TRHDE: variants seen among roughly 807,000 people sequenced by gnomAD.
The protein encoded by TRHDE is thyrotropin-releasing hormone-degrading ectoenzyme.
In TRHDE, 72 loss-of-function variants were observed where a neutral mutation model predicts 125.7. The observed-to-expected ratio is 0.57, with a 90% CI of 0.47 to 0.70. The LOEUF (loss-of-function observed/expected upper bound fraction) is 0.70, where lower values mean the gene tolerates loss of function less well. Ranked by LOEUF, TRHDE falls within the 30% of genes least tolerant of loss-of-function variation. The pLI is 0.00. For synonymous variants in TRHDE, 509 were observed against 509.1 expected, an observed-to-expected ratio of 1.00 and a Z score of 0.00; for missense variants, 1,110 against 1,327.1, an observed-to-expected ratio of 0.84 and a Z score of 2.54.
At chr12:72,427,801 G>C (rs1259579488) in intron 3 of TRHDE, among the ~76,000 whole-genome samples, 3 of 152,092 alleles carry the variant, frequency 2.0e-5, no homozygotes, top group African/African-American at 7.2e-5. Flanking sequence ...AGGCTGGATG[G>C]CCATATGTTC....
intron 2 of TRHDE, among the ~76,000 whole-genome samples, chr12:72,164,810 G>T (rs548450946): frequency 6.6e-6 from 1 of 152,278 alleles, no homozygotes; most frequent in Non-Finnish European, 1.5e-5. Flanking sequence ...TCCCCTATAA[G>T]TCCTGTGTTG....
intron 10 of TRHDE, among the ~76,000 whole-genome samples, chr12:72,572,465 G>A (rs1870791376): frequency 6.6e-6 from 1 of 151,794 alleles, no homozygotes; most frequent in Non-Finnish European, 1.5e-5. Context: ...ACCTCATTAG[G>A]CCATTGGAAA....
intron 2 of TRHDE, among the ~76,000 whole-genome samples, chr12:72,200,446 A>G (rs1215880054): frequency 2.0e-5 from 3 of 152,122 alleles, no homozygotes; most frequent in Non-Finnish European, 4.4e-5. Context: ...GTTGACTGAG[A>G]AAACTGGTAT....
chr12:72,283,628 ATACT>A (rs1879774606), intron 1 of TRHDE, among the ~76,000 whole-genome samples: 1 of 152,124 alleles, frequency 6.6e-6, no homozygotes, highest in African/African-American at 2.4e-5. Flanking sequence ...CTTCCCTAAC[ATACT>A]TACTTACTTG....
chr12:72,468,211 C>A (rs1053003205), intron 3 of TRHDE, among the ~76,000 whole-genome samples: 3 of 152,250 alleles, frequency 2.0e-5, no homozygotes, highest in African/African-American at 7.2e-5. Flanking sequence ...TGGTGTTATT[C>A]TACTTGTTTT....
intron 2 of TRHDE, among the ~76,000 whole-genome samples, chr12:72,295,753 AGAG>A (rs1288820911): frequency 4.6e-5 from 7 of 151,558 alleles, no homozygotes; most frequent in African/African-American, 1.7e-4. Context: ...TGAGAGAATT[AGAG>A]GAGTATAGGT....
intron 2 of TRHDE, among the ~76,000 whole-genome samples, chr12:72,376,874 T>A (rs1019302224): frequency 3.1e-4 from 36 of 115,806 alleles, no homozygotes; most frequent in Non-Finnish European, 5.6e-4. Flanking sequence ...GAGTAAACCA[T>A]TTTTTTTTTT....
rs368211232 is a variant in TRHDE, at chr12:72,224,166, G to GTATCTATCTATC, written n.279+118451_279+118462dup. 7.0e-3 allele frequency among the ~76,000 whole-genome samples: 437 copies of GTATCTATCTATC among 62,690 alleles called. 2 individuals carry two copies. The highest frequency in any genetic ancestry group is 0.026 in the East Asian group (86 of 3,330). The allele number at this position is 62,690 out of a possible 152,430, so 41.1% of individuals were successfully genotyped here. ...TTTATCTATGTATGTATGTATGTAT[G>GTATCTATCTATC]TATCTATCTATCTATCTATCTATCT... On this transcript the variant is annotated intron_variant and non_coding_transcript_variant, in intron 2 of 4. Transcript: ENST00000548156.
chr12:72,469,502 T>C (rs991146205), intron 3 of TRHDE, among the ~76,000 whole-genome samples: 1 of 152,190 alleles, frequency 6.6e-6, no homozygotes, highest in Non-Finnish European at 1.5e-5. Flanking sequence ...CCATCAATAA[T>C]GGCACTGATA....
intron 2 of TRHDE, among the ~76,000 whole-genome samples, chr12:72,135,246 T>C (rs2139310534): frequency 6.6e-6 from 1 of 152,278 alleles, no homozygotes; most frequent in South Asian, 2.1e-4. Context: ...CTTTGTCAAT[T>C]CTCTTCTGTT....
chr12:72,378,164 A>G (rs112258989), intron 3 of TRHDE, 43 bp downstream of exon 3: 7 of 1,518,198 alleles, frequency 4.6e-6, no homozygotes, highest in African/African-American at 2.8e-5. Context: ...GCTCCTTGAA[A>G]GTGGAATTTC....
intron 12 of TRHDE, among the ~76,000 whole-genome samples, chr12:72,613,900 G>T (rs1313797598): frequency 6.6e-6 from 1 of 152,068 alleles, no homozygotes; most frequent in Admixed American, 6.6e-5. Context: ...GGTTTAATTG[G>T]CTCACAATTT....
intron 10 of TRHDE, among the ~76,000 whole-genome samples, chr12:72,573,455 A>G (rs1870841109): frequency 6.6e-6 from 1 of 151,952 alleles, no homozygotes. Flanking sequence ...TCCATGGATT[A>G]AGTATAGTAT....
intron 6 of TRHDE, among the ~76,000 whole-genome samples, chr12:72,516,581 T>C (rs907739530): frequency 1.6e-4 from 25 of 152,166 alleles, no homozygotes; most frequent in South Asian, 4.1e-4. Flanking sequence ...ACAATCATGT[T>C]GTCTGCAAAC....
At chr12:72,338,462 A>G (rs553464043) in intron 2 of TRHDE, among the ~76,000 whole-genome samples, 107 of 152,328 alleles carry the variant, frequency 7.0e-4, no homozygotes, top group African/African-American at 2.5e-3. Context: ...AAAAGAACGT[A>G]TTTGAGAATC....
chr12:72,418,279 G>T (rs1443975035), intron 3 of TRHDE, among the ~76,000 whole-genome samples: 2 of 151,840 alleles, frequency 1.3e-5, no homozygotes, highest in African/African-American at 2.4e-5. Flanking sequence ...ATTAATTAAG[G>T]ATTAATTAAT....
chr12:72,280,484 C>T (rs1426223208), intron 1 of TRHDE, among the ~76,000 whole-genome samples: 1 of 152,016 alleles, frequency 6.6e-6, no homozygotes, highest in African/African-American at 2.4e-5. Flanking sequence ...TTGTTTTTAC[C>T]ACCTAAGCAG....
intron 2 of TRHDE, among the ~76,000 whole-genome samples, chr12:72,331,796 C>A (rs946382595): frequency 7.2e-5 from 11 of 152,140 alleles, no homozygotes; most frequent in African/African-American, 2.7e-4. Context: ...ACATATGGAT[C>A]AGTTTGAATG....
At chr12:72,094,462 T>A (rs892631138) in intron 1 of TRHDE, among the ~76,000 whole-genome samples, 1 of 152,178 alleles carries the variant, frequency 6.6e-6, no homozygotes, top group Non-Finnish European at 1.5e-5. Flanking sequence ...CTGAGAGGGC[T>A]TAAGCTGAAT....
Sources: gnomAD v4.1 joint callset for allele counts (sites outside exome capture counted in the v4.1 genomes callset) on GRCh38, gnomAD v4.1.1 for gene constraint, MANE v1.5 for transcripts, NCBI Gene and HGNC (gene_info 2026-07-23, HGNC 2026-07-21) for gene names.